ZNF652: variants seen among roughly 807,000 people sequenced by gnomAD.
ZNF652 encodes the protein zinc finger protein 652.
Under a neutral mutation model 45.2 loss-of-function variants are expected in ZNF652, and 16 were observed. The observed-to-expected ratio is 0.35, with a 90% confidence interval of 0.24 to 0.54. ZNF652 has a LOEUF of 0.54. Among genes scored for constraint, ZNF652 ranks in the 20% least tolerant of loss-of-function variants. The pLI is 0.91. For missense variants in ZNF652, 614 were observed against 765.6 expected (o/e 0.80, Z 2.34); for synonymous variants, 250 against 260.6 (o/e 0.96, Z 0.39).
intron 1 of ZNF652, among the ~76,000 whole-genome samples, chr17:49,342,059 G>A (rs993023148): frequency 3.9e-5 from 6 of 151,946 alleles, no homozygotes; most frequent in Admixed American, 2.6e-4. Flanking sequence ...GGTGGCAGGC[G>A]CCTATAATCT....
At chr17:49,349,987 CAG>C (rs2070252856) in intron 1 of ZNF652, among the ~76,000 whole-genome samples, 1 of 152,082 alleles carries the variant, frequency 6.6e-6, no homozygotes, top group Non-Finnish European at 1.5e-5. Context: ...AATCCATGAA[CAG>C]ATATTCAGGC....
chr17:49,333,722 G>GA (rs749640282), intron 1 of ZNF652, among the ~76,000 whole-genome samples: 20,211 of 56,550 alleles, frequency 0.36, 2,391 homozygotes, highest in African/African-American at 0.42. Flanking sequence ...TCTGTCTCAA[G>GA]AAAAAAAAAA....
At chr17:49,340,566 A>AG (rs1361497657) in intron 1 of ZNF652, among the ~76,000 whole-genome samples, 2 of 126,328 alleles carry the variant, frequency 1.6e-5, no homozygotes, top group African/African-American at 5.6e-5. Flanking sequence ...AAAAAAAAAA[A>AG]AAAAAGAAAG....
chr17:49,307,205 C>T (rs1359753017), intron 5 of ZNF652, among the ~76,000 whole-genome samples: 3 of 151,408 alleles, frequency 2.0e-5, no homozygotes, highest in East Asian at 2.0e-4. Flanking sequence ...GAGGCTGAGG[C>T]GGGTGGATCA....
chr17:49,350,264 G>A (rs2070256325), intron 1 of ZNF652, among the ~76,000 whole-genome samples: 1 of 152,070 alleles, frequency 6.6e-6, no homozygotes, highest in African/African-American at 2.4e-5. Context: ...TGTAAGCTGG[G>A]CAGGTGGCTC....
At chr17:49,335,164 A>G (rs759397175) in intron 1 of ZNF652, among the ~76,000 whole-genome samples, 1 of 152,250 alleles carries the variant, frequency 6.6e-6, no homozygotes, top group Non-Finnish European at 1.5e-5. Flanking sequence ...CTATTTGGAT[A>G]TAAATAGTTC....
intron 1 of ZNF652, among the ~76,000 whole-genome samples, chr17:49,352,427 G>A (rs765467435): frequency 2.0e-5 from 3 of 152,104 alleles, no homozygotes; most frequent in Non-Finnish European, 4.4e-5. Flanking sequence ...GCTAGCTGAT[G>A]GCAGAGCTGA....
chr17:49,352,347 A>G (rs913645011), intron 1 of ZNF652, among the ~76,000 whole-genome samples: 2 of 152,168 alleles, frequency 1.3e-5, no homozygotes, highest in Non-Finnish European at 2.9e-5. Flanking sequence ...TATATCCAAA[A>G]TAAACCTATT....
At position 49,312,823 on chromosome 17, in the gene ZNF652, A is replaced by T; in HGVS notation, c.923T>A (p.Phe308Tyr). ...TTCATGAAGGGACCAGAGTTTCTTG[A>T]ACGATTTGTTACAGGAAACACACTG... is the stretch of plus-strand genomic sequence containing the variant. Reference protein sequence around the residue: ...NIQCVSCNKSFKKLWSLHEHI... With the variant: ...NIQCVSCNKSYKKLWSLHEHI... The change falls in exon 3 of 6, where the codon TTC (phenylalanine) becomes TAC (tyrosine). Residue 308 changes from phenylalanine to tyrosine, a missense_variant. This residue lies in a region of ZNF652 where 262 missense variants were observed against 306.3 expected (regional missense o/e 0.86). Coordinates refer to ENST00000430262, the MANE Select transcript of ZNF652 (RefSeq NM_001145365.3). 1 of 1,613,984 alleles carries T rather than the reference A, an allele frequency of 6.2e-7. No individual in the cohort carries two copies. The highest frequency in any genetic ancestry group is 8.5e-7 in the Non-Finnish European group (1 of 1,179,930).
chr17:49,331,672 T>C (rs953477174), intron 1 of ZNF652, among the ~76,000 whole-genome samples: 5 of 149,614 alleles, frequency 3.3e-5, no homozygotes, highest in Admixed American at 1.3e-4. Context: ...AAAATAAAAA[T>C]CACAAATATT....
Position 49,293,732 on chromosome 17 carries a change from C to G in ZNF652, c.*4681G>C, listed in dbSNP as rs1463283384. ...TGGTTCAGGCAAAGGAAAATTAAAA[C>G]CCAAACTTTACTTGCTCAATTTTAT... On this transcript the variant is annotated 3_prime_UTR_variant, in exon 6 of 6. Transcript: ENST00000430262. 6.9e-6 allele frequency among the ~76,000 whole-genome samples: 1 copy of G among 144,998 alleles called. No homozygotes were observed.
At chr17:49,306,307 A>C (rs184029689) in intron 5 of ZNF652, among the ~76,000 whole-genome samples, 2 of 152,258 alleles carry the variant, frequency 1.3e-5, no homozygotes, top group Admixed American at 6.5e-5. Context: ...AAATACGTTG[A>C]TAACTACAAG....
chr17:49,311,266 A>C, intron 5 of ZNF652, 46 bp downstream of exon 5: 2 of 1,575,254 alleles, frequency 1.3e-6, no homozygotes, highest in Non-Finnish European at 1.7e-6. Context: ...ATGATCATCA[A>C]CAAGTGCTTG....
Position 49,362,203 on chromosome 17 carries a change from G to A in ZNF652, c.-553C>T, listed in dbSNP as rs2070407331. Reference sequence around the variant, plus strand: ...CGGGGCGGGCGGCAGGGGAGGGGGTGTGCGTGTGTGGATGTGTGTGCCGGA... The same window carrying A: ...CGGGGCGGGCGGCAGGGGAGGGGGTATGCGTGTGTGGATGTGTGTGCCGGA... On this transcript the variant is annotated 5_prime_UTR_variant, in exon 1 of 6. Transcript: ENST00000430262. The A allele has an allele frequency of 6.6e-6, 1 of 150,894 alleles. No homozygotes were observed. The highest frequency in any genetic ancestry group is 6.6e-5 in the Admixed American group (1 of 15,094). 9.3% of individuals were successfully genotyped at this position (150,894 alleles called of 1,614,324 possible). A position where few individuals can be genotyped will look rare whatever the true frequency, so the allele number is the denominator to read the frequency against.
At chr17:49,338,366 G>T (rs2070108376) in intron 1 of ZNF652, among the ~76,000 whole-genome samples, 1 of 152,102 alleles carries the variant, frequency 6.6e-6, no homozygotes, top group East Asian at 1.9e-4. Flanking sequence ...GTGATGCATG[G>T]AACTGTGGTA....
intron 1 of ZNF652, among the ~76,000 whole-genome samples, chr17:49,356,429 C>CA (rs35374808): frequency 0.11 from 4,495 of 42,270 alleles, 659 homozygotes; most frequent in Middle Eastern, 0.19. Context: ...ACTCTGTCTG[C>CA]AAAAAAAAAA....
intron 1 of ZNF652, among the ~76,000 whole-genome samples, chr17:49,352,533 T>C (rs764709617): frequency 6.6e-6 from 1 of 152,168 alleles, no homozygotes; most frequent in Non-Finnish European, 1.5e-5. Flanking sequence ...GTGGAACAAG[T>C]AGAATTTTTA....
At chr17:49,348,308 T>C (rs925990006) in intron 1 of ZNF652, among the ~76,000 whole-genome samples, 5 of 151,434 alleles carry the variant, frequency 3.3e-5, no homozygotes, top group East Asian at 3.9e-4. Context: ...CTGGGCAACA[T>C]AGTGAGACCC....
intron 1 of ZNF652, among the ~76,000 whole-genome samples, chr17:49,334,730 G>A (rs2143860129): frequency 6.7e-6 from 1 of 149,838 alleles, no homozygotes; most frequent in African/African-American, 2.5e-5. Flanking sequence ...AGTGAGCTGA[G>A]ATCTTGCCAC....
Sources: gnomAD v4.1 joint callset for allele counts (sites outside exome capture counted in the v4.1 genomes callset) on GRCh38, gnomAD v4.1.1 for gene constraint, gnomAD v4.1.1 regional missense constraint, MANE v1.5 for transcripts, NCBI Gene and HGNC (gene_info 2026-07-23, HGNC 2026-07-21) for gene names.